The following RPS6KC1 variants were observed in gnomAD, a reference collection of about 807,000 sequenced individuals.
RPS6KC1 encodes the protein ribosomal protein S6 kinase C1.
Under a neutral mutation model 103.8 loss-of-function variants are expected in RPS6KC1, and 54 were observed. The ratio of observed to expected loss-of-function variants is 0.52; its 90% CI spans 0.42 to 0.65. The LOEUF (loss-of-function observed/expected upper bound fraction) is 0.65, where lower values mean the gene tolerates loss of function less well. Among genes scored for constraint, RPS6KC1 ranks in the 30% least tolerant of loss-of-function variants. The probability of loss-of-function intolerance (pLI) is 0.00; values close to 1 mark genes in which losing one functional copy is unlikely to be tolerated. For missense variants in RPS6KC1, 1,151 were observed against 1,253.8 expected (o/e 0.92, Z 1.24); for synonymous variants, 439 against 438.7 (o/e 1.00, Z -0.01).
chr1:213,736,307 G>T, the RPS6KC1 span, among the ~76,000 whole-genome samples: 4 of 152,174 alleles, frequency 2.6e-5, no homozygotes, highest in Admixed American at 1.3e-4. Context: ...TTCTCATGGG[G>T]AGGCTCCACT....
At chr1:213,189,065 A>G (rs771426417) in intron 8 of RPS6KC1, among the ~76,000 whole-genome samples, 17 of 152,158 alleles carry the variant, frequency 1.1e-4, no homozygotes, top group Non-Finnish European at 1.5e-5. Context: ...TGGCTAATTG[A>G]TTTTTGACAT....
rs34080597 is a variant in RPS6KC1 at position 213,242,035 on chromosome 1, G to T, written c.2559G>T (p.Leu853Phe). Residue 853 changes from leucine to phenylalanine, a missense_variant, in exon 11 of 15, where the codon TTG (leucine) becomes TTT (phenylalanine). By Grantham distance (22) the Leu-to-Phe change is conservative. Around this residue, in one of 3 missense-constraint regions of RPS6KC1, gnomAD observed 959 missense variants for 1,006.3 expected, o/e 0.95. Coordinates refer to ENST00000366960, the MANE Select transcript of RPS6KC1 (RefSeq NM_012424.6). Reference protein sequence around the residue: ...VLLFTDQTDDLAKEEPTSLFQ... With the variant: ...VLLFTDQTDDFAKEEPTSLFQ... ...TGTTTACAGATCAGACTGATGATTT[G>T]GCTAAAGAGGAACCAACTTCTTTAT... 5.8e-3 allele frequency: 9,321 copies of T among 1,614,006 alleles called. 440 individuals are homozygous for T. In the African/African-American group the frequency reaches 0.11, roughly 19 times the overall value.
chr1:213,259,621 C>T (rs2094731768), intron 12 of RPS6KC1, among the ~76,000 whole-genome samples: 1 of 152,044 alleles, frequency 6.6e-6, no homozygotes, highest in Admixed American at 6.6e-5. Flanking sequence ...GTTTTCTTAC[C>T]AGTCTTTTTT....
the RPS6KC1 span, among the ~76,000 whole-genome samples, chr1:213,338,146 T>A: frequency 6.6e-6 from 1 of 152,214 alleles, no homozygotes; most frequent in Non-Finnish European, 1.5e-5. Context: ...TAATTATGAA[T>A]GAATCTTAGG....
At chr1:213,128,762 A>G (rs921583542) in intron 5 of RPS6KC1, among the ~76,000 whole-genome samples, 2 of 152,188 alleles carry the variant, frequency 1.3e-5, no homozygotes, top group East Asian at 3.8e-4. Flanking sequence ...CTGAGGACGC[A>G]TTGTGTAGTT....
chr1:213,157,123 A>C (rs939750593), intron 6 of RPS6KC1, among the ~76,000 whole-genome samples: 2 of 152,132 alleles, frequency 1.3e-5, no homozygotes, highest in African/African-American at 4.8e-5. Flanking sequence ...GCTTGAAATA[A>C]TTTCCAGTTA....
chr1:213,290,060 GT>G, the RPS6KC1 span, among the ~76,000 whole-genome samples: 217 of 149,572 alleles, frequency 1.5e-3, no homozygotes, highest in Non-Finnish European at 2.6e-3. Flanking sequence ...CAGGAGAATG[GT>G]GTGGACCTGG....
intron 8 of RPS6KC1, among the ~76,000 whole-genome samples, chr1:213,218,718 A>G (rs911737034): frequency 3.9e-5 from 6 of 152,328 alleles, no homozygotes; most frequent in East Asian, 1.9e-4. Context: ...ATAACGCCGC[A>G]TATCTACAAC....
At chr1:213,098,664 G>T (rs955890963) in intron 3 of RPS6KC1, among the ~76,000 whole-genome samples, 1 of 152,088 alleles carries the variant, frequency 6.6e-6, no homozygotes, top group African/African-American at 2.4e-5. Context: ...CTTGTGGTTT[G>T]TGGTGCCTCA....
At chr1:213,181,044 G>A (rs957891082) in intron 8 of RPS6KC1, among the ~76,000 whole-genome samples, 7 of 152,150 alleles carry the variant, frequency 4.6e-5, no homozygotes, top group African/African-American at 1.7e-4. Flanking sequence ...TGGGTGAAGG[G>A]TACATGAGAC....
At chr1:213,481,791 T>C in the RPS6KC1 span, among the ~76,000 whole-genome samples, 2 of 152,210 alleles carry the variant, frequency 1.3e-5, no homozygotes, top group African/African-American at 2.4e-5. Context: ...AATTATAAAT[T>C]ATATTTACCA....
the RPS6KC1 span, among the ~76,000 whole-genome samples, chr1:213,731,718 G>A: frequency 4.6e-5 from 7 of 151,972 alleles, 1 homozygote; most frequent in East Asian, 7.7e-4. Flanking sequence ...ATTATGCATC[G>A]ATAAAAATAA....
chr1:213,290,869 GT>G, the RPS6KC1 span, among the ~76,000 whole-genome samples: 2 of 152,146 alleles, frequency 1.3e-5, no homozygotes, highest in African/African-American at 2.4e-5. Context: ...TACTTATCCT[GT>G]TAGGCAGCGT....
At chr1:213,261,662 T>A in intron 13 of RPS6KC1, 22 bp downstream of exon 13, 1 of 1,595,198 alleles carries the variant, frequency 6.3e-7, no homozygotes, top group East Asian at 2.2e-5. Flanking sequence ...CCTGGACGTT[T>A]AATAAATTTA....
At chr1:213,374,531 G>T in the RPS6KC1 span, among the ~76,000 whole-genome samples, 1 of 152,154 alleles carries the variant, frequency 6.6e-6, no homozygotes, top group Non-Finnish European at 1.5e-5. Context: ...AGAAAAGAGG[G>T]TTTGCTCTGG....
At chr1:213,624,351 G>A in the RPS6KC1 span, among the ~76,000 whole-genome samples, 1 of 152,352 alleles carries the variant, frequency 6.6e-6, no homozygotes, top group Non-Finnish European at 1.5e-5. Flanking sequence ...TCCTGACAGA[G>A]CTTAGAATCC....
At chr1:213,785,908 C>G in the RPS6KC1 span, among the ~76,000 whole-genome samples, 1 of 152,106 alleles carries the variant, frequency 6.6e-6, no homozygotes, top group Non-Finnish European at 1.5e-5. Flanking sequence ...AATTGAAGCT[C>G]TTATTGCTAT....
the RPS6KC1 span, among the ~76,000 whole-genome samples, chr1:213,575,272 C>T: frequency 6.6e-6 from 1 of 152,238 alleles, no homozygotes; most frequent in Non-Finnish European, 1.5e-5. Context: ...TCCATGTTAG[C>T]ATTCACAGCT....
At chr1:213,322,915 T>A in the RPS6KC1 span, among the ~76,000 whole-genome samples, 6 of 1,534 alleles carry the variant, frequency 3.9e-3, no homozygotes, top group Non-Finnish European at 0.029. Context: ...GCCCAGCTTT[T>A]TTTTTTTTTT....
Sources: gnomAD v4.1 joint callset for allele counts (sites outside exome capture counted in the v4.1 genomes callset) on GRCh38, gnomAD v4.1.1 for gene constraint, gnomAD v4.1.1 regional missense constraint, MANE v1.5 for transcripts, NCBI Gene and HGNC (gene_info 2026-07-23, HGNC 2026-07-21) for gene names.